Variants in GRM7 observed in about 807,000 individuals in gnomAD.
GRM7 encodes glutamate metabotropic receptor 7.
GRM7 carries 35 observed loss-of-function variants against 84.5 expected under a neutral mutation model. The observed-to-expected ratio is 0.41, with a 90% confidence interval of 0.32 to 0.55. The LOEUF is 0.55. Ranked by LOEUF, GRM7 falls within the 20% of genes least tolerant of loss-of-function variation. GRM7 has a pLI of 0.19. For synonymous variants in GRM7, 487 were observed against 455.1 expected, an observed-to-expected ratio of 1.07 and a Z score of -0.89; for missense variants, 1,003 against 1,194.6, an observed-to-expected ratio of 0.84 and a Z score of 2.36.
intron 5 of GRM7, among the ~76,000 whole-genome samples, chr3:7,417,235 G>A (rs184420732): frequency 7.2e-5 from 11 of 152,072 alleles, no homozygotes; most frequent in East Asian, 1.9e-4. Flanking sequence ...CAAAATATTC[G>A]TATATTCTCA....
intron 1 of GRM7, among the ~76,000 whole-genome samples, chr3:7,125,181 C>A (rs899911162): frequency 6.6e-6 from 1 of 152,116 alleles, no homozygotes; most frequent in African/African-American, 2.4e-5. Flanking sequence ...CTCAAGTGTT[C>A]CGCCTCTCTT....
At chr3:6,897,554 G>A (rs1468413323) in intron 1 of GRM7, among the ~76,000 whole-genome samples, 2 of 152,030 alleles carry the variant, frequency 1.3e-5, no homozygotes, top group African/African-American at 4.8e-5. Context: ...TAGCTTATTG[G>A]GATAATTACA....
intron 9 of GRM7, chr3:7,686,317 A>T: frequency 1.2e-6 from 1 of 833,404 alleles, no homozygotes; most frequent in Non-Finnish European, 2.1e-6. Context: ...TTGTGTGCAC[A>T]TTTATTTTAT....
At chr3:7,569,398 TG>T (rs1252806427) in intron 7 of GRM7, among the ~76,000 whole-genome samples, 1 of 152,038 alleles carries the variant, frequency 6.6e-6, no homozygotes, top group Non-Finnish European at 1.5e-5. Flanking sequence ...GCTAATCTAG[TG>T]GGGACATGGA....
intron 1 of GRM7, among the ~76,000 whole-genome samples, chr3:7,102,246 T>G (rs533820876): frequency 6.6e-6 from 1 of 151,900 alleles, no homozygotes; most frequent in East Asian, 1.9e-4. Flanking sequence ...TGATGATATT[T>G]TATTTTCAGT....
intron 1 of GRM7, among the ~76,000 whole-genome samples, chr3:7,128,289 T>C (rs1693468672): frequency 1.3e-5 from 2 of 151,862 alleles, no homozygotes; most frequent in African/African-American, 4.8e-5. Context: ...GTTATATTTT[T>C]ATTCTTCCTA....
intron 2 of GRM7, among the ~76,000 whole-genome samples, chr3:7,147,724 T>C (rs910212677): frequency 2.0e-5 from 3 of 152,160 alleles, no homozygotes; most frequent in African/African-American, 7.2e-5. Context: ...CACTGCATCA[T>C]TAGCTGTAAT....
chr3:7,323,331 G>A (rs1482720964), intron 4 of GRM7, among the ~76,000 whole-genome samples: 1 of 152,092 alleles, frequency 6.6e-6, no homozygotes, highest in Non-Finnish European at 1.5e-5. Flanking sequence ...GGTTAGTCTT[G>A]ACATGTCCCA....
chr3:7,456,728 T>G (rs1456785520), intron 6 of GRM7, among the ~76,000 whole-genome samples: 2 of 152,016 alleles, frequency 1.3e-5, no homozygotes, highest in African/African-American at 2.4e-5. Flanking sequence ...AATCACACTC[T>G]ATGGTCAACA....
intron 9 of GRM7, among the ~76,000 whole-genome samples, chr3:7,699,786 A>G (rs1013851456): frequency 1.3e-5 from 2 of 152,246 alleles, no homozygotes; most frequent in East Asian, 3.9e-4. Flanking sequence ...TGAAGATACA[A>G]GTTTTTCTTT....
chr3:6,884,987 T>A (rs568708620), intron 1 of GRM7, among the ~76,000 whole-genome samples: 1 of 152,172 alleles, frequency 6.6e-6, no homozygotes, highest in Non-Finnish European at 1.5e-5. Context: ...ACTCTTCCAA[T>A]ACTCCACATA....
chr3:7,471,538 G>A (rs1258197569), intron 7 of GRM7, among the ~76,000 whole-genome samples: 1 of 151,988 alleles, frequency 6.6e-6, no homozygotes, highest in Non-Finnish European at 1.5e-5. Context: ...GTTCCTCTGA[G>A]CATCCAGTCT....
chr3:7,050,530 AT>A (rs1696957066), intron 1 of GRM7, among the ~76,000 whole-genome samples: 1 of 151,882 alleles, frequency 6.6e-6, no homozygotes, highest in South Asian at 2.1e-4. Context: ...CAGTTTAATG[AT>A]GTAATTGGTC....
chr3:7,701,033 C>A (rs11929007), intron 9 of GRM7, among the ~76,000 whole-genome samples: 16,672 of 152,202 alleles, frequency 0.11, 1,515 homozygotes, highest in African/African-American at 0.25. Flanking sequence ...CCTTTTTACC[C>A]TTTCCCCCAG....
At chr3:7,181,984 T>C (rs893981238) in intron 2 of GRM7, among the ~76,000 whole-genome samples, 1 of 152,168 alleles carries the variant, frequency 6.6e-6, no homozygotes, top group Non-Finnish European at 1.5e-5. Flanking sequence ...TATAATTAAA[T>C]CTAATTAACA....
intron 7 of GRM7, among the ~76,000 whole-genome samples, chr3:7,481,259 G>A (rs1024070041): frequency 2.6e-5 from 4 of 151,848 alleles, no homozygotes; most frequent in African/African-American, 9.7e-5. Flanking sequence ...AAATTTTTTT[G>A]TAGAGACAGG....
chr3:7,699,319 C>T (rs1338026055), intron 9 of GRM7, among the ~76,000 whole-genome samples: 1 of 152,126 alleles, frequency 6.6e-6, no homozygotes, highest in Non-Finnish European at 1.5e-5. Flanking sequence ...GACATCTCTA[C>T]AGGAATATTT....
chr3:7,374,833 T>G (rs535697330), intron 4 of GRM7, among the ~76,000 whole-genome samples: 1 of 152,060 alleles, frequency 6.6e-6, no homozygotes, highest in South Asian at 2.1e-4. Context: ...GAATTTGGAG[T>G]AAACCTAAGC....
intron 8 of GRM7, among the ~76,000 whole-genome samples, chr3:7,645,513 C>G (rs1698586944): frequency 7.3e-6 from 1 of 136,686 alleles, no homozygotes; most frequent in South Asian, 2.3e-4. Context: ...CCCCACTACA[C>G]TCTAGCCTGG....
Sources: allele counts gnomAD v4.1 joint callset (sites outside exome capture counted in the v4.1 genomes callset), GRCh38; gene constraint gnomAD v4.1.1; transcripts MANE v1.5; gene names NCBI Gene and HGNC (gene_info 2026-07-23, HGNC 2026-07-21).